Variants in CD6 observed in about 807,000 individuals in gnomAD.
CD6 encodes T-cell differentiation antigen CD6.
In CD6, 53 loss-of-function variants were observed where a neutral mutation model predicts 75.3. That is an observed-to-expected ratio of 0.70 (90% CI 0.56 to 0.88). The LOEUF (loss-of-function observed/expected upper bound fraction) is 0.88, where lower values mean the gene tolerates loss of function less well. CD6 is among the 40% of genes least tolerant of loss of function. The pLI is 0.00. For missense variants in CD6, 770 were observed against 897.1 expected (o/e 0.86, Z 1.81); for synonymous variants, 359 against 381.5 (o/e 0.94, Z 0.69).
chr11:61,006,481 G>A, intron 1 of CD6, 93 bp from the exon 2 acceptor site: 1 of 1,037,388 alleles, frequency 9.6e-7, no homozygotes. Context: ...AGCCACCACA[G>A]GCTCCAGGAA....
chr11:61,006,575 T>A lies in CD6; in HGVS notation c.51T>A (p.Gly17=), dbSNP rs370230503. 23 of 1,603,296 alleles carry A rather than the reference T, an allele frequency of 1.4e-5. No homozygotes were observed. Among genetic ancestry groups the A allele is most frequent in the Non-Finnish European group, 2.6e-6 (3 of 1,175,076 alleles). Residue 17 remains glycine, a splice_region_variant and synonymous_variant, in exon 2 of 13, where the codon GGT becomes GGA. Coordinates refer to ENST00000313421, the MANE Select transcript of CD6 (RefSeq NM_006725.5). ...ITGLLTAALS[G]HPSPAPPDQL... Reference sequence around the variant, plus strand: ...CATGCTGCTGCTGGTTCATTTCAGGTCATCCATCTCCAGCCCCACCTGACC... The same window carrying A: ...CATGCTGCTGCTGGTTCATTTCAGGACATCCATCTCCAGCCCCACCTGACC...
Position 61,013,523 on chromosome 11 carries a change from C to A in CD6, c.1251C>A (p.Ile417=). The change falls in exon 7 of 13, where the codon ATC becomes ATA. Residue 417 remains isoleucine (I), a synonymous_variant. Transcript: ENST00000313421. ...VLGILLLGSL[I]FIAFILLRIK... is the part of the protein sequence containing the mutation. ...GAATTCTCCTCCTTGGCTCCCTCAT[C>A]TTCATAGCCTTCATCCTCTTGAGAA... 1.2e-6 allele frequency: 2 copies of A among 1,614,166 alleles called. No homozygotes were observed. Among genetic ancestry groups the A allele is most frequent in the South Asian group, 2.2e-5 (2 of 91,086 alleles).
In CD6 at chr11:61,007,906, TGCAGGTACGA is replaced by T; in HGVS notation, c.468_469+8del. The T allele has an allele frequency of 1.5e-6, 2 of 1,347,522 alleles. No homozygotes were observed. Among genetic ancestry groups the T allele is most frequent in the Non-Finnish European group, 1.9e-6 (2 of 1,053,344 alleles). The allele number at this position is 1,347,522 out of a possible 1,614,324, so 83.5% of individuals were successfully genotyped here. On this transcript the variant is annotated splice_donor_variant and splice_donor_5th_base_variant and coding_sequence_variant and intron_variant, in exon 3 of 13. Transcript: ENST00000313421. LOFTEE classifies it high-confidence loss of function. This position sits in a 1 kb window ranked among gnomAD's most constrained non-coding sequence, Gnocchi z 4.2. ...ACGGGAGGCGGGCCCGTGTCACCTGTGCAGGTACGAGCGCACCCCCTACACGGGCCCCCAC... is the reference window on the plus strand; with the variant it reads ...ACGGGAGGCGGGCCCGTGTCACCTGTGCGCACCCCCTACACGGGCCCCCAC...
chr11:60,988,937 G>T (rs1261693967), intron 1 of CD6, among the ~76,000 whole-genome samples: 1 of 152,166 alleles, frequency 6.6e-6, no homozygotes, highest in African/African-American at 2.4e-5. Context: ...CCCTCCTCCA[G>T]CCTGCAGAAA....
At chr11:60,973,880 A>G (rs1426547082) in intron 1 of CD6, among the ~76,000 whole-genome samples, 2 of 152,096 alleles carry the variant, frequency 1.3e-5, no homozygotes, top group Non-Finnish European at 2.9e-5. Context: ...CAGGAGGAAG[A>G]CTGCACCTTC....
At chr11:60,986,447 T>G (rs1397557750) in intron 1 of CD6, among the ~76,000 whole-genome samples, 1 of 152,218 alleles carries the variant, frequency 6.6e-6, no homozygotes, top group Non-Finnish European at 1.5e-5. Context: ...CAAAGCTCTC[T>G]GAGGTAAAAT....
rs570197440 is a variant in CD6, at chr11:61,019,475, C to T, written c.*157C>T. ...AGGAAACGTTATACCTTGTACCCCT[C>T]GGTCTCCATCCATCAAGCCAAACCT... On this transcript the variant is annotated 3_prime_UTR_variant, in exon 13 of 13. Transcript: ENST00000313421. The T allele has an allele frequency of 1.4e-5, 7 of 516,242 alleles. No individual in the cohort carries two copies. Among genetic ancestry groups the T allele is most frequent in the African/African-American group, 3.8e-5 (2 of 52,006 alleles). The allele number at this position is 516,242 out of a possible 1,614,324, so 32.0% of individuals were successfully genotyped here.
At chr11:60,991,828 A>G (rs1858076456) in intron 1 of CD6, among the ~76,000 whole-genome samples, 2 of 148,876 alleles carry the variant, frequency 1.3e-5, no homozygotes. Context: ...TGTCCAGCTA[A>G]TTTACTTATT....
intron 1 of CD6, among the ~76,000 whole-genome samples, chr11:60,983,080 C>G (rs1465921993): frequency 6.6e-6 from 1 of 151,940 alleles, no homozygotes; most frequent in Non-Finnish European, 1.5e-5. Flanking sequence ...GCTCTGCCTC[C>G]TCTTTGTTTT....
At chr11:61,000,822 T>C (rs1316451937) in intron 1 of CD6, among the ~76,000 whole-genome samples, 3 of 152,202 alleles carry the variant, frequency 2.0e-5, no homozygotes, top group African/African-American at 7.2e-5. Flanking sequence ...TACAGTCTCC[T>C]CCGCAGCCCG....
Position 61,006,647 on chromosome 11 carries a change from G to A in CD6, c.118+5G>A. 1 of 1,604,824 alleles carries A rather than the reference G, an allele frequency of 6.2e-7. No individual in the cohort carries two copies. Among genetic ancestry groups the A allele is most frequent in the Non-Finnish European group, 8.5e-7 (1 of 1,175,446 alleles). ...AGAGTGAGCTCTGGGAGCCAGGTGA[G>A]CAAACATTCCCTCTGGGGGTCCATG... is the stretch of plus-strand genomic sequence containing the variant. On this transcript the variant is annotated splice_donor_5th_base_variant and intron_variant, in intron 2 of 12. Transcript: ENST00000313421.
chr11:60,989,439 TC>T (rs1303828959), intron 1 of CD6: 1 of 152,320 alleles, frequency 6.6e-6, no homozygotes, highest in East Asian at 1.9e-4. Context: ...CTGGACTCAC[TC>T]ACCAGCCCCA....
rs1859595644 is a variant in CD6 at position 61,019,972 on chromosome 11, G to A, written c.*654G>A. The A allele has an allele frequency of 5.0e-6, 2 of 396,092 alleles. No individual in the cohort carries two copies. The highest frequency in any genetic ancestry group is 8.9e-6 in the Non-Finnish European group (2 of 225,124). The allele number at this position is 396,092 out of a possible 1,614,324, so 24.5% of individuals were successfully genotyped here. ...CCCAACCAAGGAGCTGGGGCCCAAGGCCAGTCCTGCCCCAGAGACACTCCA... is the reference window on the plus strand; with the variant it reads ...CCCAACCAAGGAGCTGGGGCCCAAGACCAGTCCTGCCCCAGAGACACTCCA... On this transcript the variant is annotated 3_prime_UTR_variant, in exon 13 of 13. Coordinates refer to ENST00000313421, the MANE Select transcript of CD6 (RefSeq NM_006725.5).
At chr11:61,013,799 T>A (rs1859270773) in intron 7 of CD6, 120 bp from the exon 8 acceptor site, 1 of 759,130 alleles carries the variant, frequency 1.3e-6, no homozygotes, top group Admixed American at 2.7e-5. Context: ...CGCGCGCACA[T>A]GTGCCTGCAA....
In CD6 at chr11:61,007,821, T is replaced by C; in HGVS notation, c.380T>C (p.Leu127Pro). The C allele has an allele frequency of 6.8e-7, 1 of 1,465,236 alleles. No homozygotes were observed. The highest frequency in any genetic ancestry group is 9.0e-7 in the Non-Finnish European group (1 of 1,113,630). The allele number at this position is 1,465,236 out of a possible 1,614,324, so 90.8% of individuals were successfully genotyped here. A position where few individuals can be genotyped will look rare whatever the true frequency, so the allele number is the denominator to read the frequency against. Residue 127 changes from leucine (L) to proline (P), a missense_variant, in exon 3 of 13, where the codon CTC (leucine) becomes CCC (proline). Leu to Pro is a moderately conservative substitution (Grantham distance 98). Coordinates refer to ENST00000313421, the MANE Select transcript of CD6 (RefSeq NM_006725.5). The surrounding 1 kb of genome is among the most constrained non-coding windows in gnomAD (Gnocchi z 4.2). The stretch of plus-strand genomic sequence containing the variant: ...GCCACTCTGGCCGGGGCGCCCGCCC[T>C]CCTGTGCAGCGGCGCCGAGTGGCGG... ...ANATLAGAPALLCSGAEWRLC... is the reference protein window; with the variant it reads ...ANATLAGAPAPLCSGAEWRLC...
At chr11:61,013,249 T>C (rs983634985) in intron 6 of CD6, among the ~76,000 whole-genome samples, 174 bp from the exon 7 acceptor site, 2 of 152,208 alleles carry the variant, frequency 1.3e-5, no homozygotes, top group Non-Finnish European at 2.9e-5. Context: ...TATGCATTTA[T>C]TGAGCGCCTA....
intron 1 of CD6, among the ~76,000 whole-genome samples, chr11:60,972,407 G>A (rs1857220858): frequency 6.6e-6 from 1 of 152,192 alleles, no homozygotes; most frequent in Non-Finnish European, 1.5e-5. Flanking sequence ...GGACAACCAG[G>A]CGCTGATGGC....
intron 1 of CD6, among the ~76,000 whole-genome samples, chr11:60,973,798 C>T (rs1489368257): frequency 2.0e-5 from 3 of 152,138 alleles, no homozygotes; most frequent in South Asian, 4.1e-4. Context: ...GCATTAAACG[C>T]GGCTTCTGTA....
chr11:61,013,877 G>C lies in CD6; in HGVS notation c.1292-42G>C, dbSNP rs146232748. 76 of 1,431,130 alleles carry C rather than the reference G, an allele frequency of 5.3e-5. 1 individual carries two copies. Among genetic ancestry groups the C allele is most frequent in the South Asian group, 2.0e-4 (16 of 78,786 alleles). The allele number at this position is 1,431,130 out of a possible 1,614,324, so 88.7% of individuals were successfully genotyped here. A position where few individuals can be genotyped will look rare whatever the true frequency, so the allele number is the denominator to read the frequency against. ...ACGGAACCAGGTAGACTGGGAGAGG[G>C]CAAAAAAATGACTTGTAGAATTTCT... On this transcript the variant is annotated intron_variant, in intron 7 of 12. Coordinates refer to ENST00000313421, the MANE Select transcript of CD6 (RefSeq NM_006725.5).
Sources: gnomAD v4.1 joint callset for allele counts (sites outside exome capture counted in the v4.1 genomes callset) on GRCh38, gnomAD v4.1.1 for gene constraint, Gnocchi (gnomAD v3.1) non-coding constraint, MANE v1.5 for transcripts, NCBI Gene and HGNC (gene_info 2026-07-23, HGNC 2026-07-21) for gene names.